The following SRRM4 variants were observed in gnomAD, a reference collection of about 807,000 sequenced individuals.
The protein encoded by SRRM4 is serine/arginine repetitive matrix protein 4.
SRRM4 carries 33 observed loss-of-function variants against 68.9 expected under a neutral mutation model. That is an observed-to-expected ratio of 0.48 (90% CI 0.36 to 0.64). SRRM4 has a LOEUF of 0.64. SRRM4 is among the 30% of genes least tolerant of loss of function. SRRM4 has a pLI of 0.00. For missense variants in SRRM4, 817 were observed against 827.1 expected (o/e 0.99, Z 0.15); for synonymous variants, 318 against 318.8 (o/e 1.00, Z 0.03).
At chr12:118,989,654 A>C (rs1055063595) in intron 1 of SRRM4, 12 of 152,164 alleles carry the variant, frequency 7.9e-5, no homozygotes, top group African/African-American at 2.4e-5. Flanking sequence ...TCATAGAGAC[A>C]AAGCCAAACC....
rs534408663 is a variant in SRRM4, at chr12:119,047,051, T to C, written c.132-55185T>C. On this transcript the variant is annotated intron_variant, in intron 1 of 12. Transcript: ENST00000267260. The stretch of plus-strand genomic sequence containing the variant: ...CGTCTAAAAAAAAAAAAAAAAAAAG[T>C]GTGGACTCTGTCTTCACACAGTTCA... 6.8e-3 allele frequency among the ~76,000 whole-genome samples: 881 copies of C among 129,180 alleles called. 12 individuals are homozygous for C. Among genetic ancestry groups the C allele is most frequent in the African/African-American group, 0.023 (804 of 34,726 alleles). 84.7% of individuals were successfully genotyped at this position (129,180 alleles called of 152,430 possible). A position where few individuals can be genotyped will look rare whatever the true frequency, so the allele number is the denominator to read the frequency against.
chr12:119,030,640 C>T (rs1041333746), intron 1 of SRRM4, among the ~76,000 whole-genome samples: 2 of 152,192 alleles, frequency 1.3e-5, no homozygotes, highest in Non-Finnish European at 2.9e-5. Flanking sequence ...GTATATCTCT[C>T]TCACAAAATT....
At chr12:119,068,871 T>A (rs1953861516) in intron 1 of SRRM4, among the ~76,000 whole-genome samples, 1 of 151,998 alleles carries the variant, frequency 6.6e-6, no homozygotes, top group Non-Finnish European at 1.5e-5. Context: ...CTGGGAGGAA[T>A]CCCTACATGA....
chr12:119,010,140 C>T (rs536109301), intron 1 of SRRM4, among the ~76,000 whole-genome samples: 53 of 152,334 alleles, frequency 3.5e-4, no homozygotes, highest in African/African-American at 1.2e-3. Context: ...GCAACCTCCG[C>T]CTCCCAGGTT....
chr12:119,032,184 G>A (rs187028452), intron 1 of SRRM4, among the ~76,000 whole-genome samples: 8 of 152,204 alleles, frequency 5.3e-5, no homozygotes, highest in East Asian at 1.9e-4. Context: ...GGAATGAAGC[G>A]TCCCCTCCCA....
At chr12:119,003,240 A>G (rs1953396490) in intron 1 of SRRM4, among the ~76,000 whole-genome samples, 2 of 151,702 alleles carry the variant, frequency 1.3e-5, no homozygotes, top group South Asian at 4.2e-4. Context: ...TAACCCAGCC[A>G]TTTGGACTGT....
chr12:119,130,806 T>A lies in SRRM4; in HGVS notation c.743T>A (p.Met248Lys). 1 of 1,607,106 alleles carries A rather than the reference T, an allele frequency of 6.2e-7. No individual in the cohort carries two copies. Among genetic ancestry groups the A allele is most frequent in the Non-Finnish European group, 8.5e-7 (1 of 1,179,734 alleles). The change falls in exon 8 of 13, where the codon ATG (methionine) becomes AAG (lysine). Residue 248 changes from methionine to lysine, a missense_variant. Met to Lys is a moderately conservative substitution (Grantham distance 95). Coordinates refer to ENST00000267260, the MANE Select transcript of SRRM4 (RefSeq NM_194286.4). Reference protein sequence around the residue: ...SSRPPSQPLQMLGYLSARGVI... With the variant: ...SSRPPSQPLQKLGYLSARGVI... ...CGCCCGCCCAGTCAACCCCTCCAGA[T>A]GCTTGGCTACCTGTCAGCCAGGGGT...
At chr12:119,097,746 C>T (rs1253957892) in intron 1 of SRRM4, among the ~76,000 whole-genome samples, 1 of 152,192 alleles carries the variant, frequency 6.6e-6, no homozygotes, top group Non-Finnish European at 1.5e-5. Context: ...GGATGAGGCA[C>T]TGTCCTCAAC....
chr12:119,101,175 A>C (rs2136041621), intron 1 of SRRM4, among the ~76,000 whole-genome samples: 1 of 152,282 alleles, frequency 6.6e-6, no homozygotes, highest in Admixed American at 6.5e-5. Flanking sequence ...AATACTTGAC[A>C]TGGGGTCTGA....
chr12:118,989,966 T>A (rs908297650), intron 1 of SRRM4: 3 of 152,248 alleles, frequency 2.0e-5, no homozygotes, highest in African/African-American at 7.2e-5. Context: ...AGCGTGCATC[T>A]TCATGGTGTG....
At chr12:119,112,191 C>T (rs1399923011) in intron 2 of SRRM4, among the ~76,000 whole-genome samples, 1 of 152,088 alleles carries the variant, frequency 6.6e-6, no homozygotes, top group Non-Finnish European at 1.5e-5. Context: ...TCCTGTGATA[C>T]TTATTTTTAA....
In SRRM4 at chr12:119,153,529, T is replaced by G. The variant is rs1954451831; in HGVS notation, c.1281-10T>G. ...AGCAGGCTCCTCAGAGGCTGTTACC[T>G]CTCCCCCAGGTCCTACTCCCGCTCT... On this transcript the variant is annotated splice_polypyrimidine_tract_variant and intron_variant, in intron 10 of 12. Coordinates refer to ENST00000267260, the MANE Select transcript of SRRM4 (RefSeq NM_194286.4). 6.4e-7 allele frequency: 1 copy of G among 1,550,910 alleles called. No individual in the cohort carries two copies. Among genetic ancestry groups the G allele is most frequent in the South Asian group, 1.2e-5 (1 of 84,106 alleles).
intron 1 of SRRM4, among the ~76,000 whole-genome samples, chr12:119,083,088 T>C (rs564513190): frequency 6.6e-6 from 1 of 152,162 alleles, no homozygotes; most frequent in Non-Finnish European, 1.5e-5. Flanking sequence ...GGGCAGTTGA[T>C]CTTTTTTCTG....
intron 10 of SRRM4, among the ~76,000 whole-genome samples, chr12:119,151,445 T>A (rs1222616460): frequency 1.3e-5 from 2 of 152,212 alleles, no homozygotes; most frequent in African/African-American, 4.8e-5. Context: ...CAGAAAAGAT[T>A]GTTCTGAGGG....
In SRRM4 at chr12:119,154,628, T is replaced by C. The variant is rs1230541167; in HGVS notation, c.1532+245T>C. On this transcript the variant is annotated intron_variant, in intron 12 of 12. Coordinates refer to ENST00000267260, the MANE Select transcript of SRRM4 (RefSeq NM_194286.4). The surrounding 1 kb of genome is among the most constrained non-coding windows in gnomAD (Gnocchi z 4.7). ...CGGGGCCAGCCTGAAGAATCGGGTG[T>C]GGCATGGGGGAGTGGCCAAAGCCTG... 6.6e-6 allele frequency among the ~76,000 whole-genome samples: 1 copy of C among 151,158 alleles called. No homozygotes were observed. Among genetic ancestry groups the C allele is most frequent in the Admixed American group, 6.6e-5 (1 of 15,212 alleles).
Position 119,154,284 on chromosome 12 carries a change from G to C in SRRM4, c.1433G>C (p.Arg478Pro). 1 of 1,610,710 alleles carries C rather than the reference G, an allele frequency of 6.2e-7. No homozygotes were observed. The highest frequency in any genetic ancestry group is 8.5e-7 in the Non-Finnish European group (1 of 1,178,624). The change falls in exon 12 of 13, where the codon CGG (arginine) becomes CCG (proline). Residue 478 changes from arginine to proline, a missense_variant. Coordinates refer to ENST00000267260, the MANE Select transcript of SRRM4 (RefSeq NM_194286.4). The surrounding 1 kb of genome is among the most constrained non-coding windows in gnomAD (Gnocchi z 4.7). ...TACAGTGAGAAGGACTCGCAGCAGC[G>C]GGAGCGCGAGCGAGCGCGTCGGAGA... ...PKYSEKDSQQ[R>P]ERERARRRRR...
At chr12:119,080,216 C>T (rs1277896016) in intron 1 of SRRM4, among the ~76,000 whole-genome samples, 1 of 36,184 alleles carries the variant, frequency 2.8e-5, no homozygotes, top group African/African-American at 1.1e-4. Context: ...TGAAACCTGG[C>T]TTTGCTGTGT....
intron 1 of SRRM4, among the ~76,000 whole-genome samples, chr12:119,079,183 T>C (rs1023079278): frequency 6.6e-6 from 1 of 151,956 alleles, no homozygotes; most frequent in African/African-American, 2.4e-5. Flanking sequence ...CAAGAAAGAT[T>C]TGGGGTGGCA....
Position 119,116,929 on chromosome 12 carries a change from C to A in SRRM4, c.366-8C>A. Reference sequence around the variant, plus strand: ...TCCTTCTGAAATGTGTCTTCTTGGCCCTGGCAGGTCCTCATCCTATAGCCC... The same window carrying A: ...TCCTTCTGAAATGTGTCTTCTTGGCACTGGCAGGTCCTCATCCTATAGCCC... On this transcript the variant is annotated splice_region_variant and splice_polypyrimidine_tract_variant and intron_variant, in intron 3 of 12. Transcript: ENST00000267260. 1.2e-6 allele frequency: 2 copies of A among 1,613,302 alleles called. No homozygotes were observed. The highest frequency in any genetic ancestry group is 1.7e-6 in the Non-Finnish European group (2 of 1,179,636).
Sources: gnomAD v4.1 joint callset for allele counts (sites outside exome capture counted in the v4.1 genomes callset) on GRCh38, gnomAD v4.1.1 for gene constraint, Gnocchi (gnomAD v3.1) non-coding constraint, MANE v1.5 for transcripts, NCBI Gene and HGNC (gene_info 2026-07-23, HGNC 2026-07-21) for gene names.